Variants in CRACD observed in about 807,000 individuals in gnomAD.
CRACD encodes the protein capping protein inhibiting regulator of actin dynamics.
In CRACD, 56 loss-of-function variants were observed where a neutral mutation model predicts 106.8. That is an observed-to-expected ratio of 0.52 (90% CI 0.42 to 0.66). CRACD has a LOEUF of 0.66. Among genes scored for constraint, CRACD ranks in the 30% least tolerant of loss-of-function variants. The probability of loss-of-function intolerance (pLI) is 0.00; values close to 1 mark genes in which losing one functional copy is unlikely to be tolerated. For missense variants in CRACD, 1,730 were observed against 1,623.2 expected, an observed-to-expected ratio of 1.07 and a Z score of -1.13; for synonymous variants, 754 against 670.8, an observed-to-expected ratio of 1.12 and a Z score of -1.92.
intron 2 of CRACD, among the ~76,000 whole-genome samples, chr4:56,250,653 T>G (rs1190042541): frequency 6.6e-6 from 1 of 152,170 alleles, no homozygotes; most frequent in African/African-American, 2.4e-5. Flanking sequence ...CAGACTTGGT[T>G]TGAATCTCAG....
chr4:56,197,039 G>C (rs1419236622), intron 2 of CRACD, among the ~76,000 whole-genome samples: 1 of 152,108 alleles, frequency 6.6e-6, no homozygotes, highest in Non-Finnish European at 1.5e-5. Context: ...TGTTGATACT[G>C]ATAGGGATAG....
intron 2 of CRACD, among the ~76,000 whole-genome samples, chr4:56,254,059 A>G (rs1261162407): frequency 2.6e-5 from 4 of 152,104 alleles, no homozygotes; most frequent in Non-Finnish European, 5.9e-5. Context: ...TAATTGAAAG[A>G]TTCTGCAGAA....
At chr4:56,081,431 T>A (rs1733024029) in intron 1 of CRACD, among the ~76,000 whole-genome samples, 1 of 152,126 alleles carries the variant, frequency 6.6e-6, no homozygotes, top group African/African-American at 2.4e-5. Context: ...TATTTAATAT[T>A]TGTGGTTGGT....
chr4:56,206,192 C>T (rs1260225646), intron 2 of CRACD, among the ~76,000 whole-genome samples: 4 of 152,178 alleles, frequency 2.6e-5, no homozygotes, highest in Non-Finnish European at 4.4e-5. Context: ...CCATGAAGAG[C>T]AGAGACTGAA....
intron 3 of CRACD, among the ~76,000 whole-genome samples, chr4:56,273,976 G>T (rs1361366096): frequency 6.6e-6 from 1 of 152,178 alleles, no homozygotes; most frequent in Non-Finnish European, 1.5e-5. Flanking sequence ...AAAACCCTCA[G>T]ACCAGTGGTA....
chr4:56,307,484 G>C, intron 4 of CRACD, 51 bp from the exon 5 acceptor site: 1 of 1,594,506 alleles, frequency 6.3e-7, no homozygotes. Flanking sequence ...GGTTGTGGTG[G>C]TTGTGAACTG....
intron 3 of CRACD, among the ~76,000 whole-genome samples, chr4:56,276,038 C>G (rs769393519): frequency 1.8e-4 from 27 of 152,184 alleles, no homozygotes; most frequent in Non-Finnish European, 2.6e-4. Flanking sequence ...CTCCTTCTGC[C>G]TGAAAATTTC....
chr4:56,298,901 C>A (rs1744204369), intron 4 of CRACD, among the ~76,000 whole-genome samples: 1 of 152,138 alleles, frequency 6.6e-6, no homozygotes, highest in Non-Finnish European at 1.5e-5. Flanking sequence ...CCACTGCACT[C>A]CAGCCTGGGT....
chr4:56,103,081 C>T (rs1212789346), intron 1 of CRACD, among the ~76,000 whole-genome samples: 2 of 152,180 alleles, frequency 1.3e-5, no homozygotes, highest in Non-Finnish European at 2.9e-5. Flanking sequence ...TCCTATCCCT[C>T]GCTTTTAGTA....
chr4:56,318,707 T>C (rs575164821), intron 8 of CRACD, among the ~76,000 whole-genome samples: 59 of 152,332 alleles, frequency 3.9e-4, no homozygotes, highest in African/African-American at 1.2e-3. Context: ...GATCACTCTC[T>C]CCATTCACTG....
At chr4:56,276,192 T>C (rs909251250) in intron 3 of CRACD, among the ~76,000 whole-genome samples, 1 of 152,222 alleles carries the variant, frequency 6.6e-6, no homozygotes. Context: ...TCTAATGTGA[T>C]TTCTTTTCTT....
intron 2 of CRACD, among the ~76,000 whole-genome samples, chr4:56,231,683 G>A (rs1171570123): frequency 6.6e-6 from 1 of 152,214 alleles, no homozygotes; most frequent in Non-Finnish European, 1.5e-5. Context: ...ACAAAAGAGT[G>A]CATGCTACGT....
Position 56,315,818 on chromosome 4 carries a change from T to C in CRACD, c.2316T>C (p.Gly772=). The part of the protein sequence containing the change: ...PPAGVRELGK[G]PEKSEMHREP... ...CTGGTGTTCGCGAGCTCGGGAAGGGTCCGGAGAAGTCGGAGATGCACCGGG... is the reference window on the plus strand; with the variant it reads ...CTGGTGTTCGCGAGCTCGGGAAGGGCCCGGAGAAGTCGGAGATGCACCGGG... Residue 772 remains glycine (G), a synonymous_variant, in exon 8 of 11, where the codon GGT becomes GGC. Transcript: ENST00000682029. The surrounding 1 kb of genome is among the most constrained non-coding windows in gnomAD (Gnocchi z 4.1). 4.3e-6 allele frequency: 7 copies of C among 1,613,984 alleles called. No individual in the cohort carries two copies. The highest frequency in any genetic ancestry group is 5.1e-6 in the Non-Finnish European group (6 of 1,179,990).
At chr4:56,234,109 A>T (rs1739811211) in intron 2 of CRACD, among the ~76,000 whole-genome samples, 1 of 152,134 alleles carries the variant, frequency 6.6e-6, no homozygotes, top group African/African-American at 2.4e-5. Flanking sequence ...TATAATTCAC[A>T]TACCAAAAAA....
chr4:56,285,558 G>A (rs2109684103), intron 3 of CRACD, among the ~76,000 whole-genome samples: 1 of 152,220 alleles, frequency 6.6e-6, no homozygotes, highest in Non-Finnish European at 1.5e-5. Context: ...TCCCACCTGA[G>A]CCTCCTGAGT....
intron 1 of CRACD, among the ~76,000 whole-genome samples, chr4:56,117,248 C>T (rs1734325957): frequency 6.6e-6 from 1 of 151,986 alleles, no homozygotes; most frequent in Non-Finnish European, 1.5e-5. Flanking sequence ...GTCTCTATCT[C>T]CTGACCTTGG....
At chr4:56,185,485 T>C (rs895490002) in intron 2 of CRACD, among the ~76,000 whole-genome samples, 1 of 152,222 alleles carries the variant, frequency 6.6e-6, no homozygotes, top group Non-Finnish European at 1.5e-5. Context: ...TTGTGACTGG[T>C]AAAATGCTTA....
intron 2 of CRACD, among the ~76,000 whole-genome samples, chr4:56,271,363 A>G (rs562406789): frequency 2.0e-5 from 3 of 152,300 alleles, no homozygotes; most frequent in Admixed American, 1.3e-4. Flanking sequence ...GAAGTAATAT[A>G]TGGGAAGATG....
rs758982211 is a variant in CRACD, at chr4:56,315,207, G to C, written c.1705G>C (p.Ala569Pro). The C allele has an allele frequency of 5.6e-6, 9 of 1,593,502 alleles. No individual in the cohort carries two copies. In the Admixed American group the frequency reaches 9.0e-5, roughly 16 times the overall value. The change falls in exon 8 of 11, where the codon GCT becomes CCT. Residue 569 changes from alanine to proline, a missense_variant. Physicochemically the swap from Ala to Pro is conservative, Grantham distance 27. This residue lies in a region of CRACD where 1,620 missense variants were observed against 1,481.6 expected (regional missense o/e 1.09). Transcript: ENST00000682029. The surrounding 1 kb of genome is among the most constrained non-coding windows in gnomAD (Gnocchi z 4.1). ...TPAKDTGLTA[A>P]PQEPKAPKAS... Reference sequence around the variant, plus strand: ...CGCAAAGGACACGGGGCTCACCGCTGCTCCCCAGGAACCAAAGGCCCCCAA... The same window carrying C: ...CGCAAAGGACACGGGGCTCACCGCTCCTCCCCAGGAACCAAAGGCCCCCAA...
Sources: allele counts gnomAD v4.1 joint callset (sites outside exome capture counted in the v4.1 genomes callset), GRCh38; gene constraint gnomAD v4.1.1; regional missense constraint gnomAD v4.1.1; non-coding constraint Gnocchi (gnomAD v3.1); transcripts MANE v1.5; gene names NCBI Gene and HGNC (gene_info 2026-07-23, HGNC 2026-07-21).